Variants in HELLS observed in about 807,000 individuals in gnomAD.
HELLS encodes the protein helicase, lymphoid specific, also known as lymphoid-specific helicase.
In HELLS, 32 loss-of-function variants were observed where a neutral mutation model predicts 120.0. The ratio of observed to expected loss-of-function variants is 0.27; its 90% confidence interval spans 0.20 to 0.36. The LOEUF (loss-of-function observed/expected upper bound fraction) is 0.36, where lower values mean the gene tolerates loss of function less well. Among genes scored for constraint, HELLS ranks in the 10% least tolerant of loss-of-function variants. The pLI, the probability that HELLS is intolerant of heterozygous loss-of-function variation, is 1.00. For synonymous variants in HELLS, 341 were observed against 323.4 expected (o/e 1.05, Z -0.58); for missense variants, 650 against 993.4 (o/e 0.65, Z 4.65).
At chr10:94,577,790 G>C (rs570999969) in intron 10 of HELLS, 1 of 152,338 alleles carries the variant, frequency 6.6e-6, no homozygotes, top group Non-Finnish European at 1.5e-5. Context: ...GGCCGGACGC[G>C]GTGGCTCACG....
intron 2 of HELLS, among the ~76,000 whole-genome samples, chr10:94,549,523 T>C (rs1013246944): frequency 2.0e-5 from 3 of 152,130 alleles, no homozygotes; most frequent in African/African-American, 7.2e-5. Flanking sequence ...GGGGGAATAG[T>C]TGGAGTCAGG....
intron 12 of HELLS, among the ~76,000 whole-genome samples, chr10:94,583,471 G>A (rs4918409): frequency 0.38 from 57,970 of 151,902 alleles, 11,467 homozygotes; most frequent in East Asian, 0.68. Flanking sequence ...TATCTTTCAA[G>A]GGTAATCTAG....
chr10:94,602,633 G>C (rs1846075846), downstream of HELLS, among the ~76,000 whole-genome samples: 1 of 152,122 alleles, frequency 6.6e-6, no homozygotes, highest in Non-Finnish European at 1.5e-5. Context: ...AAGGATAATG[G>C]AACCGTCACT....
chr10:94,580,481 C>T (rs1461441235), intron 10 of HELLS, among the ~76,000 whole-genome samples: 1 of 151,966 alleles, frequency 6.6e-6, no homozygotes, highest in Non-Finnish European at 1.5e-5. Flanking sequence ...TGCGCCCGGC[C>T]AAGGATATTT....
intron 19 of HELLS, among the ~76,000 whole-genome samples, chr10:94,595,066 A>G (rs1442677315): frequency 6.6e-6 from 1 of 152,028 alleles, no homozygotes. Context: ...CGTCTCTACT[A>G]ACAATACAAA....
At chr10:94,575,493 A>T (rs1295463018) in intron 9 of HELLS, among the ~76,000 whole-genome samples, 3 of 150,604 alleles carry the variant, frequency 2.0e-5, no homozygotes, top group East Asian at 3.9e-4. Flanking sequence ...TTATATATAT[A>T]TTATTTATTT....
chr10:94,587,673 C>T (rs890496355), intron 12 of HELLS, among the ~76,000 whole-genome samples: 3 of 152,276 alleles, frequency 2.0e-5, no homozygotes, highest in South Asian at 2.1e-4. Context: ...GTGATTCACC[C>T]GTCTTGGCCT....
chr10:94,609,148 C>T (rs968321173), intron 9 of HELLS, among the ~76,000 whole-genome samples: 39 of 150,790 alleles, frequency 2.6e-4, no homozygotes, highest in African/African-American at 8.1e-4. Context: ...CTCCATCTTC[C>T]GAGTAGGTGG....
chr10:94,551,791 G>A (rs1259811575), intron 2 of HELLS, among the ~76,000 whole-genome samples: 1 of 150,894 alleles, frequency 6.6e-6, no homozygotes, highest in East Asian at 2.0e-4. Context: ...CCAGGCTGAA[G>A]TGCAGTGGCG....
intron 18 of HELLS, 51 bp from the exon 19 acceptor site, chr10:94,594,644 G>A (rs2134119706): frequency 7.2e-7 from 1 of 1,395,340 alleles, no homozygotes; most frequent in Non-Finnish European, 9.8e-7. Context: ...ATGAGTTTAT[G>A]TTAATTTTAA....
At chr10:94,556,751 C>T (rs146248756) in intron 3 of HELLS, among the ~76,000 whole-genome samples, 1,562 of 152,208 alleles carry the variant, frequency 0.01, 19 homozygotes, top group Non-Finnish European at 0.018. Context: ...TTTTGAAATA[C>T]GTTTTTACTG....
intron 13 of HELLS, among the ~76,000 whole-genome samples, chr10:94,589,489 T>TTATTCA (rs1466386326): frequency 6.6e-6 from 1 of 152,196 alleles, no homozygotes; most frequent in Non-Finnish European, 1.5e-5. Flanking sequence ...TTGATGATGA[T>TTATTCA]TATTCATCAC....
At chr10:94,611,291 T>G (rs1342080498) in exon 10 of HELLS, 1 of 152,164 alleles carries the variant, frequency 6.6e-6, no homozygotes, top group Non-Finnish European at 1.5e-5. Context: ...AAAAGGACAT[T>G]TATTAAATTT....
exon 10 of HELLS, chr10:94,610,030 C>T (rs1259561744): frequency 2.0e-5 from 3 of 152,116 alleles, no homozygotes; most frequent in East Asian, 1.9e-4. Flanking sequence ...TTGGAATTGA[C>T]GTTTAGCTGT....
intron 4 of HELLS, among the ~76,000 whole-genome samples, chr10:94,559,252 GT>G (rs1476015102): frequency 1.3e-5 from 2 of 151,710 alleles, no homozygotes; most frequent in African/African-American, 4.8e-5. Context: ...TAACTTTTGC[GT>G]TTTTTTGTGC....
At chr10:94,557,178 G>T in intron 3 of HELLS, 1 of 429,190 alleles carries the variant, frequency 2.3e-6, no homozygotes, top group Non-Finnish European at 4.7e-6. Context: ...CTTTCCACTA[G>T]ACTGTTATGA....
intron 10 of HELLS, among the ~76,000 whole-genome samples, chr10:94,579,293 C>A (rs896969541): frequency 1.3e-5 from 2 of 150,012 alleles, no homozygotes; most frequent in Non-Finnish European, 3.0e-5. Context: ...CTCCACCTCC[C>A]AGGTTCACAC....
At chr10:94,586,615 T>C (rs1845164045) in intron 12 of HELLS, among the ~76,000 whole-genome samples, 1 of 152,224 alleles carries the variant, frequency 6.6e-6, no homozygotes. Context: ...TTATATATGA[T>C]TACTATATGT....
rs1846063404 is a variant in HELLS at position 94,602,096 on chromosome 10, A to G, written c.*474A>G. The G allele has an allele frequency of 6.6e-6, 1 of 152,604 alleles. No individual in the cohort carries two copies. The highest frequency in any genetic ancestry group is 2.4e-5 in the African/African-American group (1 of 41,444). The allele number at this position is 152,604 out of a possible 1,614,324, so 9.5% of individuals were successfully genotyped here. ...TTACCAAATAAATGTTCCTTATAAG[A>G]TGATCTCATTAAATTATTTCTTCAG... is the stretch of plus-strand genomic sequence containing the variant. On this transcript the variant is annotated 3_prime_UTR_variant, in exon 22 of 22. Transcript: ENST00000348459.
Sources: gnomAD v4.1 joint callset for allele counts (sites outside exome capture counted in the v4.1 genomes callset) on GRCh38, gnomAD v4.1.1 for gene constraint, MANE v1.5 for transcripts, NCBI Gene and HGNC (gene_info 2026-07-23, HGNC 2026-07-21) for gene names.